Variants in DNAJB14 observed in about 807,000 individuals in gnomAD.
DNAJB14 encodes the protein DnaJ heat shock protein family (Hsp40) member B14.
In DNAJB14, 22 loss-of-function variants were observed where a neutral mutation model predicts 48.4. The observed-to-expected ratio is 0.45, with a 90% CI of 0.32 to 0.65. The LOEUF is 0.65. Among genes scored for constraint, DNAJB14 ranks in the 30% least tolerant of loss-of-function variants. The probability of loss-of-function intolerance (pLI) is 0.03; values close to 1 mark genes in which losing one functional copy is unlikely to be tolerated. For missense variants in DNAJB14, 319 were observed against 458.8 expected (o/e 0.70, Z 2.78); for synonymous variants, 142 against 158.7 (o/e 0.89, Z 0.79).
At chr4:99,935,839 G>A (rs1380396884) in intron 1 of DNAJB14, among the ~76,000 whole-genome samples, 4 of 152,100 alleles carry the variant, frequency 2.6e-5, no homozygotes, top group East Asian at 1.9e-4. Context: ...AGGCTGAGGC[G>A]GAGGGATCAC....
intron 2 of DNAJB14, chr4:99,930,141 A>G (rs747040826): frequency 8.9e-5 from 17 of 190,184 alleles, no homozygotes; most frequent in Admixed American, 1.8e-4. Flanking sequence ...AAATAAAACA[A>G]TTCTTCATCC....
chr4:99,922,975 C>A lies in DNAJB14; in HGVS notation c.451+65G>T. ...CAGTCCAAAAGCAGAACTTAATATT[C>A]TGAAACGCCGTAAAGTGAATTCTAA... On this transcript the variant is annotated intron_variant, in intron 3 of 7. Transcript: ENST00000442697. 1.4e-6 allele frequency: 2 copies of A among 1,477,240 alleles called. 1 individual carries two copies. Among genetic ancestry groups the A allele is most frequent in the South Asian group, 2.8e-5 (2 of 72,296 alleles). The allele number at this position is 1,477,240 out of a possible 1,614,324, so 91.5% of individuals were successfully genotyped here.
chr4:99,925,688 C>A (rs947332849), intron 2 of DNAJB14: 3 of 151,896 alleles, frequency 2.0e-5, no homozygotes, highest in Non-Finnish European at 4.4e-5. Context: ...GTCAAAATCA[C>A]ATTAAATTTA....
Position 99,900,041 on chromosome 4 carries a change from G to A in DNAJB14, c.*987C>T, listed in dbSNP as rs1725244999. On this transcript the variant is annotated 3_prime_UTR_variant, in exon 8 of 8. Transcript: ENST00000442697. The stretch of plus-strand genomic sequence containing the variant: ...TTATATGTTTAGGAGTTGGCATAGG[G>A]TTAAAAGGCACAAAGCTGTATTTTA... The A allele has an allele frequency of 6.6e-6, 1 of 152,256 alleles. No homozygotes were observed. The highest frequency in any genetic ancestry group is 1.5e-5 in the Non-Finnish European group (1 of 67,846). The allele number at this position is 152,256 out of a possible 1,614,324, so 9.4% of individuals were successfully genotyped here.
At chr4:99,943,072 T>C (rs1489461531) in intron 1 of DNAJB14, among the ~76,000 whole-genome samples, 1 of 152,178 alleles carries the variant, frequency 6.6e-6, no homozygotes, top group African/African-American at 2.4e-5. Context: ...AAACATCTTC[T>C]AGAATGTTCT....
In DNAJB14 at chr4:99,898,013, A is replaced by G. The variant is rs1466980034; in HGVS notation, c.*3015T>C. The G allele has an allele frequency of 6.6e-6, 1 of 152,036 alleles. No homozygotes were observed. The highest frequency in any genetic ancestry group is 6.5e-5 in the Admixed American group (1 of 15,282). The allele number at this position is 152,036 out of a possible 1,614,324, so 9.4% of individuals were successfully genotyped here. On this transcript the variant is annotated 3_prime_UTR_variant, in exon 8 of 8. Transcript: ENST00000442697. ...ACATAGGAATCCATTAAGTAACATT[A>G]GCATGTCATGTGTTAAATAGCTTCA...
chr4:99,896,687 AATC>A lies in DNAJB14; in HGVS notation c.*4338_*4340del, dbSNP rs1319214052. 4 of 152,186 alleles carry A rather than the reference AATC, an allele frequency of 2.6e-5. No homozygotes were observed. The highest frequency in any genetic ancestry group is 4.8e-5 in the African/African-American group (2 of 41,462). The allele number at this position is 152,186 out of a possible 1,614,324, so 9.4% of individuals were successfully genotyped here. ...TATGTGTGTTTCTTCTCATTGGTTT[AATC>A]ATCCTATTAAAAATAATTTTTTGAA... On this transcript the variant is annotated 3_prime_UTR_variant, in exon 8 of 8. Coordinates refer to ENST00000442697, the MANE Select transcript of DNAJB14 (RefSeq NM_001031723.4).
At chr4:99,931,322 CAT>C (rs1221712336) in intron 1 of DNAJB14, among the ~76,000 whole-genome samples, 2 of 151,902 alleles carry the variant, frequency 1.3e-5, no homozygotes, top group African/African-American at 2.4e-5. Flanking sequence ...GGAGGAGAAA[CAT>C]AAAAGTAGGG....
rs1213453298 is a variant in DNAJB14, at chr4:99,896,726, A to C, written c.*4302T>G. ...AAATAATTTTTTGAAAGTAATAATT[A>C]CAATACTCCAATGTCACTGAAAATC... is the stretch of plus-strand genomic sequence containing the variant. On this transcript the variant is annotated 3_prime_UTR_variant, in exon 8 of 8. Coordinates refer to ENST00000442697, the MANE Select transcript of DNAJB14 (RefSeq NM_001031723.4). 6.6e-6 allele frequency: 1 copy of C among 152,180 alleles called. No individual in the cohort carries two copies. The highest frequency in any genetic ancestry group is 1.5e-5 in the Non-Finnish European group (1 of 67,992). 9.4% of individuals were successfully genotyped at this position (152,180 alleles called of 1,614,324 possible).
chr4:99,942,512 T>G (rs911241020), intron 1 of DNAJB14: 5 of 152,094 alleles, frequency 3.3e-5, no homozygotes, highest in Admixed American at 6.5e-5. Context: ...ATATTTATAT[T>G]TTCTATGTGG....
At chr4:99,927,401 T>G (rs1726295708) in intron 2 of DNAJB14, 1 of 152,360 alleles carries the variant, frequency 6.6e-6, no homozygotes, top group Non-Finnish European at 1.5e-5. Context: ...TTTTATAAGT[T>G]TAGCGAAATG....
At chr4:99,942,035 T>C (rs1726907340) in intron 1 of DNAJB14, 1 of 152,106 alleles carries the variant, frequency 6.6e-6, no homozygotes, top group Non-Finnish European at 1.5e-5. Flanking sequence ...AATGACAATT[T>C]TAAAAGCTAC....
chr4:99,898,451 T>C lies in DNAJB14; in HGVS notation c.*2577A>G, dbSNP rs1391019516. ...ATTTAATCAAACTACATTTCGAAATTTACAGATGACTAAATGACTAGCACC... is the reference window on the plus strand; with the variant it reads ...ATTTAATCAAACTACATTTCGAAATCTACAGATGACTAAATGACTAGCACC... On this transcript the variant is annotated 3_prime_UTR_variant, in exon 8 of 8. Transcript: ENST00000442697. 6.6e-6 allele frequency: 1 copy of C among 151,988 alleles called. No homozygotes were observed. Among genetic ancestry groups the C allele is most frequent in the Non-Finnish European group, 1.5e-5 (1 of 67,836 alleles). 9.4% of individuals were successfully genotyped at this position (151,988 alleles called of 1,614,324 possible). A position where few individuals can be genotyped will look rare whatever the true frequency, so the allele number is the denominator to read the frequency against.
chr4:99,932,551 G>A (rs1726514822), intron 1 of DNAJB14, among the ~76,000 whole-genome samples: 1 of 152,142 alleles, frequency 6.6e-6, no homozygotes, highest in South Asian at 2.1e-4. Flanking sequence ...TAAGTTTCTA[G>A]TGAGAATGTA....
intron 1 of DNAJB14, among the ~76,000 whole-genome samples, chr4:99,946,182 G>A (rs944711146): frequency 4.6e-5 from 7 of 152,258 alleles, no homozygotes; most frequent in Admixed American, 4.6e-4. Flanking sequence ...CGGACATTTA[G>A]GACAGCGGAA....
At position 99,904,742 on chromosome 4, in the gene DNAJB14, G is replaced by A. The variant is rs867168085; in HGVS notation, c.843-844C>T. 6.0e-5 allele frequency among the ~76,000 whole-genome samples: 9 copies of A among 151,062 alleles called. No homozygotes were observed. The South Asian group carries it at 1.1e-3, about 18-fold the overall frequency. On this transcript the variant is annotated intron_variant, in intron 6 of 7. Transcript: ENST00000442697. ...ACATTTTTAAATATACTATGCTTTT[G>A]TAAAGTATCTCAATTTTTTGTTAAT...
chr4:99,922,959 A>C, intron 3 of DNAJB14, 81 bp downstream of exon 3: 1 of 1,417,912 alleles, frequency 7.1e-7, no homozygotes, highest in East Asian at 2.5e-5. Context: ...CCAGTCCAAA[A>C]GCAGAACTTA....
At chr4:99,946,376 C>T in intron 1 of DNAJB14, 63 bp downstream of exon 1, 2 of 1,553,550 alleles carry the variant, frequency 1.3e-6, no homozygotes, top group Admixed American at 1.9e-5. Flanking sequence ...GAGGTGGGGG[C>T]AGGGGCGGGC....
In DNAJB14 at chr4:99,923,845, G is replaced by A. The variant is rs192217642; in HGVS notation, c.306-660C>T. ...TAAACCACTGCACCCGGCCATCCCC[G>A]TTATGCCAAAGATAATTTATCTGTA... On this transcript the variant is annotated intron_variant, in intron 2 of 7. Coordinates refer to ENST00000442697, the MANE Select transcript of DNAJB14 (RefSeq NM_001031723.4). 7.6e-5 allele frequency: 75 copies of A among 984,808 alleles called. 1 individual carries two copies. The Admixed American group carries it at 8.0e-4, about 11-fold the overall frequency. The allele number at this position is 984,808 out of a possible 1,614,324, so 61.0% of individuals were successfully genotyped here.
Sources: allele counts gnomAD v4.1 joint callset (sites outside exome capture counted in the v4.1 genomes callset), GRCh38; gene constraint gnomAD v4.1.1; transcripts MANE v1.5; gene names NCBI Gene and HGNC (gene_info 2026-07-23, HGNC 2026-07-21).